The following NAALADL2 variants were observed in gnomAD, a reference collection of about 807,000 sequenced individuals.
NAALADL2 encodes N-acetylated alpha-linked acidic dipeptidase like 2, also known as inactive N-acetylated-alpha-linked acidic dipeptidase-like protein 2.
In NAALADL2, 76 loss-of-function variants were observed where a neutral mutation model predicts 87.2. The ratio of observed to expected loss-of-function variants is 0.87; its 90% CI spans 0.72 to 1.05. The LOEUF (loss-of-function observed/expected upper bound fraction) is 1.05. NAALADL2 is among the 50% of genes least tolerant of loss of function. NAALADL2 has a pLI of 0.00. For synonymous variants in NAALADL2, 354 were observed against 331.0 expected (o/e 1.07, Z -0.75); for missense variants, 1,089 against 945.8 (o/e 1.15, Z -1.99).
At chr3:174,843,119 G>A (rs1356265400) in intron 3 of NAALADL2, among the ~76,000 whole-genome samples, 1 of 151,946 alleles carries the variant, frequency 6.6e-6, no homozygotes, top group East Asian at 1.9e-4. Context: ...CCATTCAAAA[G>A]CCTCTTTTTG....
intron 3 of NAALADL2, among the ~76,000 whole-genome samples, chr3:174,822,229 CG>C (rs1579073777): frequency 6.6e-6 from 1 of 151,746 alleles, no homozygotes; most frequent in African/African-American, 2.4e-5. Flanking sequence ...TATATGAGAG[CG>C]GATAGACCCT....
intron 1 of NAALADL2, among the ~76,000 whole-genome samples, chr3:174,940,012 G>T (rs779998515): frequency 6.6e-6 from 1 of 152,020 alleles, no homozygotes; most frequent in Non-Finnish European, 1.5e-5. Context: ...ACTCTTGCCT[G>T]ATTGCTCAGG....
At chr3:174,653,236 A>G (rs1724559376) in intron 2 of NAALADL2, among the ~76,000 whole-genome samples, 1 of 152,238 alleles carries the variant, frequency 6.6e-6, no homozygotes, top group African/African-American at 2.4e-5. Context: ...CATCATATAT[A>G]TAGCAGCCCC....
At chr3:174,748,326 A>T (rs1312575525) in intron 3 of NAALADL2, among the ~76,000 whole-genome samples, 3 of 136,842 alleles carry the variant, frequency 2.2e-5, no homozygotes, top group South Asian at 2.3e-4. Context: ...AATAAATTAC[A>T]TTTTTTTTTT....
intron 1 of NAALADL2, among the ~76,000 whole-genome samples, chr3:174,938,022 T>TG (rs1737966511): frequency 6.6e-6 from 1 of 152,078 alleles, no homozygotes; most frequent in South Asian, 2.1e-4. Context: ...CTAGTTTTTT[T>TG]GCTTTACATT....
chr3:174,618,116 TA>T (rs1720650770), intron 2 of NAALADL2, among the ~76,000 whole-genome samples: 1 of 151,762 alleles, frequency 6.6e-6, no homozygotes, highest in African/African-American at 2.4e-5. Flanking sequence ...TTTAAGAATG[TA>T]ACAGATAGTA....
At chr3:175,761,709 G>T in intron 13 of NAALADL2, among the ~76,000 whole-genome samples, 1 of 152,082 alleles carries the variant, frequency 6.6e-6, no homozygotes, top group Non-Finnish European at 1.5e-5. Flanking sequence ...AGGTATGTTG[G>T]TATTTCATTG....
chr3:175,754,545 T>G (rs1051334062), intron 12 of NAALADL2, among the ~76,000 whole-genome samples: 13 of 152,304 alleles, frequency 8.5e-5, no homozygotes, highest in Middle Eastern at 3.4e-3. Flanking sequence ...ATATATCAAC[T>G]TCACATTACA....
chr3:175,365,374 A>G (rs952190837), intron 5 of NAALADL2, among the ~76,000 whole-genome samples: 1 of 147,502 alleles, frequency 6.8e-6, no homozygotes, highest in Non-Finnish European at 1.5e-5. Context: ...CTATTTAGAT[A>G]ATATTATTAT....
In NAALADL2 at chr3:175,275,890, T is replaced by C. The variant is rs59215288; in HGVS notation, c.939+19360T>C. Among the ~76,000 whole-genome samples, 1,329 of 151,090 alleles carry C rather than the reference T, an allele frequency of 8.8e-3. 25 individuals are homozygous for C. Among genetic ancestry groups the C allele is most frequent in the African/African-American group, 0.03 (1,256 of 41,326 alleles). On this transcript the variant is annotated intron_variant, in intron 4 of 13. Coordinates refer to ENST00000454872, the MANE Select transcript of NAALADL2 (RefSeq NM_207015.3). ...TTTATAATAATGATAGTAAGAAAAC[T>C]CCTAAAACTATTTCCTTTTCTAAAA... is the stretch of plus-strand genomic sequence containing the variant.
chr3:175,523,820 G>A (rs569084539), intron 9 of NAALADL2, among the ~76,000 whole-genome samples: 150 of 152,302 alleles, frequency 9.8e-4, no homozygotes, highest in Non-Finnish European at 6.3e-4. Context: ...GAGTCAGGGT[G>A]GAGCAGGTAA....
chr3:174,755,365 T>C (rs1711904075), intron 3 of NAALADL2, among the ~76,000 whole-genome samples: 2 of 152,214 alleles, frequency 1.3e-5, no homozygotes, highest in Admixed American at 6.5e-5. Flanking sequence ...AGTACAATAC[T>C]CTTAAGCATT....
At chr3:175,534,595 A>T (rs9868054) in intron 9 of NAALADL2, among the ~76,000 whole-genome samples, 103,426 of 151,874 alleles carry the variant, frequency 0.68, 37,924 homozygotes, top group East Asian at 0.87. Flanking sequence ...CCATGGCTTC[A>T]GTTCCCACCT....
chr3:174,884,134 C>T (rs1230215226), intron 1 of NAALADL2, among the ~76,000 whole-genome samples: 2 of 152,094 alleles, frequency 1.3e-5, no homozygotes, highest in Non-Finnish European at 2.9e-5. Context: ...ACTAAGACCT[C>T]TAGGACAGCA....
chr3:175,574,960 T>C (rs1718646210), intron 9 of NAALADL2, among the ~76,000 whole-genome samples: 2 of 152,196 alleles, frequency 1.3e-5, no homozygotes, highest in Admixed American at 1.3e-4. Context: ...CCACGTTTCA[T>C]AGTTGATGCC....
intron 1 of NAALADL2, among the ~76,000 whole-genome samples, chr3:174,489,019 T>A (rs1465180226): frequency 6.6e-6 from 1 of 152,126 alleles, no homozygotes; most frequent in East Asian, 1.9e-4. Context: ...TCGATGTGGA[T>A]AAAGTGTGCA....
chr3:174,736,707 G>T lies in NAALADL2; in HGVS notation c.-114-934G>T, dbSNP rs372205485. On this transcript the variant is annotated intron_variant, in intron 2 of 3. Coordinates refer to the NAALADL2 transcript ENST00000434257. ...AAAAAGCACCATAGTTCCCATTCTGGTCCATCAGCCCAGCCCCCAGGCTTC... is the reference window on the plus strand; with the variant it reads ...AAAAAGCACCATAGTTCCCATTCTGTTCCATCAGCCCAGCCCCCAGGCTTC... Among the ~76,000 whole-genome samples, 84 of 152,224 alleles carry T rather than the reference G, an allele frequency of 5.5e-4. 1 individual carries two copies. Among genetic ancestry groups the T allele is most frequent in the African/African-American group, 1.9e-3 (77 of 41,544 alleles).
At chr3:175,023,510 G>C (rs1283288873) in intron 1 of NAALADL2, among the ~76,000 whole-genome samples, 3 of 151,916 alleles carry the variant, frequency 2.0e-5, no homozygotes, top group Non-Finnish European at 2.9e-5. Context: ...AACATCTTTG[G>C]CTACAGAATT....
intron 3 of NAALADL2, among the ~76,000 whole-genome samples, chr3:174,820,901 T>C (rs1271054121): frequency 1.3e-5 from 2 of 152,208 alleles, no homozygotes; most frequent in Non-Finnish European, 2.9e-5. Context: ...TTTTGTGTTA[T>C]TTTTCACAGA....
Sources: gnomAD v4.1 joint callset for allele counts (sites outside exome capture counted in the v4.1 genomes callset) on GRCh38, gnomAD v4.1.1 for gene constraint, MANE v1.5 for transcripts, NCBI Gene and HGNC (gene_info 2026-07-23, HGNC 2026-07-21) for gene names.